The following UBE2W variants were observed in gnomAD, a reference collection of about 807,000 sequenced individuals.
UBE2W encodes ubiquitin conjugating enzyme E2 W, also known as ubiquitin-conjugating enzyme E2 W.
In UBE2W, 18 loss-of-function variants were observed where a neutral mutation model predicts 27.2. That is an observed-to-expected ratio of 0.66 (90% CI 0.46 to 0.98). The LOEUF (loss-of-function observed/expected upper bound fraction) is 0.98, where lower values mean the gene tolerates loss of function less well. UBE2W is among the 50% of genes least tolerant of loss of function. The pLI is 0.00. For synonymous variants in UBE2W, 53 were observed against 57.2 expected (o/e 0.93, Z 0.33); for missense variants, 90 against 180.2 (o/e 0.50, Z 2.87).
chr8:73,851,552 T>A (rs1811080587), intron 1 of UBE2W, among the ~76,000 whole-genome samples: 1 of 152,196 alleles, frequency 6.6e-6, no homozygotes, highest in African/African-American at 2.4e-5. Context: ...CATGAATCTG[T>A]ATTTTCTAAT....
Position 73,825,194 on chromosome 8 carries a change from G to T in UBE2W, c.163C>A (p.Gln55Lys). 6.4e-7 allele frequency: 1 copy of T among 1,563,844 alleles called. No individual in the cohort carries two copies. Among genetic ancestry groups the T allele is most frequent in the Non-Finnish European group, 8.7e-7 (1 of 1,152,682 alleles). Residue 55 changes from glutamine (Q) to lysine (K), a missense_variant, in exon 3 of 6, where the codon CAA becomes AAA. Coordinates refer to ENST00000602593, the MANE Select transcript of UBE2W (RefSeq NM_018299.6). ...PGTLYEGEKF[Q>K]LLFKFSSRYP... ...CGACTACTAAATTTAAATAGAAGTTGAAATTTTTCCCCTTCATATAAGGTA... is the reference window on the plus strand; with the variant it reads ...CGACTACTAAATTTAAATAGAAGTTTAAATTTTTCCCCTTCATATAAGGTA...
At chr8:73,812,002 C>T (rs1244230567) in intron 3 of UBE2W, among the ~76,000 whole-genome samples, 2 of 151,808 alleles carry the variant, frequency 1.3e-5, no homozygotes, top group Admixed American at 6.6e-5. Flanking sequence ...TACAATGTTA[C>T]AATTTTACAA....
At chr8:73,864,132 G>T (rs534874939) in intron 1 of UBE2W, among the ~76,000 whole-genome samples, 1 of 152,140 alleles carries the variant, frequency 6.6e-6, no homozygotes, top group African/African-American at 2.4e-5. Context: ...AGTGGCTCAC[G>T]CCTGTAATCC....
rs1458166358 is a variant in UBE2W, at chr8:73,792,182, A to C, written c.*1920T>G. 14 of 985,606 alleles carry C rather than the reference A, an allele frequency of 1.4e-5. 1 individual carries two copies. The East Asian group carries it at 1.6e-3, about 112-fold the overall frequency. 61.1% of individuals were successfully genotyped at this position (985,606 alleles called of 1,614,324 possible). On this transcript the variant is annotated 3_prime_UTR_variant, in exon 6 of 6. Coordinates refer to ENST00000602593, the MANE Select transcript of UBE2W (RefSeq NM_018299.6). Reference sequence around the variant, plus strand: ...GTTTAAAACTATGAGTAATTCAAAGACTTTCTGTCTTGGTTAAACAGGCCA... The same window carrying C: ...GTTTAAAACTATGAGTAATTCAAAGCCTTTCTGTCTTGGTTAAACAGGCCA...
chr8:73,796,567 G>A, intron 5 of UBE2W: 1 of 844,666 alleles, frequency 1.2e-6, no homozygotes, highest in Non-Finnish European at 1.4e-6. Flanking sequence ...CTACTTTCCA[G>A]ATCCCAATCC....
chr8:73,828,859 T>A (rs1018940467), intron 2 of UBE2W, among the ~76,000 whole-genome samples: 6 of 152,176 alleles, frequency 3.9e-5, no homozygotes, highest in Admixed American at 6.5e-5. Context: ...ATACTAGATC[T>A]TCTTCATTCT....
intron 2 of UBE2W, among the ~76,000 whole-genome samples, chr8:73,829,979 G>C (rs1810005886): frequency 1.3e-5 from 2 of 152,134 alleles, no homozygotes; most frequent in Middle Eastern, 3.4e-3. Context: ...GGACGCAATT[G>C]ATGTTTTTAG....
intron 3 of UBE2W, among the ~76,000 whole-genome samples, chr8:73,811,089 A>G (rs1809131291): frequency 6.6e-6 from 1 of 152,142 alleles, no homozygotes; most frequent in Admixed American, 6.5e-5. Context: ...TGTTAGCTCT[A>G]AGGCACATGT....
chr8:73,782,648 T>C (rs1406793142), downstream of UBE2W, among the ~76,000 whole-genome samples: 1 of 152,200 alleles, frequency 6.6e-6, no homozygotes, highest in African/African-American at 2.4e-5. Flanking sequence ...TGCTTATCTG[T>C]TCACCTATTG....
chr8:73,860,706 AT>A (rs1811501559), intron 1 of UBE2W, among the ~76,000 whole-genome samples: 1 of 152,218 alleles, frequency 6.6e-6, no homozygotes, highest in Non-Finnish European at 1.5e-5. Flanking sequence ...TAAAATTTGA[AT>A]TCAGGAAGAA....
intron 3 of UBE2W, among the ~76,000 whole-genome samples, chr8:73,823,776 T>C (rs1189370167): frequency 6.6e-6 from 1 of 152,238 alleles, no homozygotes; most frequent in African/African-American, 2.4e-5. Context: ...ATGAAAATTT[T>C]AGAACTTAAG....
intron 1 of UBE2W, among the ~76,000 whole-genome samples, chr8:73,838,657 TTAC>T (rs1281241384): frequency 6.6e-6 from 1 of 152,128 alleles, no homozygotes; most frequent in Admixed American, 6.5e-5. Flanking sequence ...TTCCTGAAAT[TTAC>T]TCTCCCCTAT....
chr8:73,876,881 C>T lies in UBE2W; in HGVS notation c.15+1927G>A, dbSNP rs188544174. On this transcript the variant is annotated intron_variant, in intron 1 of 5. Transcript: ENST00000602593. Reference sequence around the variant, plus strand: ...ACTCAGGAGGCTGAGGTGGGAGAATCGCTTGAACTCGGGAGGTGGAGGCTG... The same window carrying T: ...ACTCAGGAGGCTGAGGTGGGAGAATTGCTTGAACTCGGGAGGTGGAGGCTG... Among the ~76,000 whole-genome samples the T allele has an allele frequency of 3.9e-3, 594 of 152,202 alleles. 6 individuals are homozygous for T. Among genetic ancestry groups the T allele is most frequent in the African/African-American group, 0.014 (569 of 41,532 alleles).
At chr8:73,848,986 T>C (rs1233240753) in intron 1 of UBE2W, among the ~76,000 whole-genome samples, 2 of 152,126 alleles carry the variant, frequency 1.3e-5, no homozygotes, top group South Asian at 2.1e-4. Flanking sequence ...TGGATGAGTA[T>C]ATTATGTGAG....
intron 2 of UBE2W, among the ~76,000 whole-genome samples, chr8:73,827,792 G>A (rs570894545): frequency 2.2e-4 from 34 of 152,024 alleles, no homozygotes; most frequent in African/African-American, 6.5e-4. Flanking sequence ...CTCCTGCCCC[G>A]CCTCAGCCTC....
At chr8:73,822,223 G>A (rs922348563) in intron 3 of UBE2W, among the ~76,000 whole-genome samples, 1 of 152,072 alleles carries the variant, frequency 6.6e-6, no homozygotes, top group African/African-American at 2.4e-5. Context: ...CAGTTAGAGT[G>A]GTTGTCGGCC....
chr8:73,836,018 CT>C (rs1810296491), intron 1 of UBE2W, among the ~76,000 whole-genome samples: 1 of 152,210 alleles, frequency 6.6e-6, no homozygotes, highest in Admixed American at 6.5e-5. Context: ...AACTATGCCT[CT>C]GATTCCTGAC....
chr8:73,805,768 A>G, intron 4 of UBE2W, 42 bp from the exon 5 acceptor site: 1 of 1,206,910 alleles, frequency 8.3e-7, no homozygotes, highest in Non-Finnish European at 1.1e-6. Flanking sequence ...AAACAGAAAA[A>G]CTGAGAGGGT....
intron 1 of UBE2W, among the ~76,000 whole-genome samples, chr8:73,830,919 T>C (rs1175063651): frequency 6.6e-6 from 1 of 152,250 alleles, no homozygotes; most frequent in African/African-American, 2.4e-5. Flanking sequence ...TCTATATACA[T>C]ATTGCTCAAA....
Sources: gnomAD v4.1 joint callset for allele counts (sites outside exome capture counted in the v4.1 genomes callset) on GRCh38, gnomAD v4.1.1 for gene constraint, MANE v1.5 for transcripts, NCBI Gene and HGNC (gene_info 2026-07-23, HGNC 2026-07-21) for gene names.